The following ATP8B4 variants were observed in gnomAD, a reference collection of about 807,000 sequenced individuals.
ATP8B4 encodes the protein probable phospholipid-transporting ATPase IM.
In ATP8B4, 133 loss-of-function variants were observed where a neutral mutation model predicts 145.6. The ratio of observed to expected loss-of-function variants is 0.91; its 90% CI spans 0.79 to 1.05. The LOEUF (loss-of-function observed/expected upper bound fraction) is 1.05. Among genes scored for constraint, ATP8B4 ranks in the 50% least tolerant of loss-of-function variants. The pLI, the probability that ATP8B4 is intolerant of heterozygous loss-of-function variation, is 0.00. For synonymous variants in ATP8B4, 507 were observed against 492.9 expected, an observed-to-expected ratio of 1.03 and a Z score of -0.38; for missense variants, 1,458 against 1,425.2, an observed-to-expected ratio of 1.02 and a Z score of -0.37.
At chr15:50,119,752 C>CTT (rs572570694), upstream of ATP8B4, among the ~76,000 whole-genome samples, 896 of 91,600 alleles carry the variant, frequency 9.8e-3, 75 homozygotes, top group Non-Finnish European at 0.014. Context: ...GTTTTTGTCA[C>CTT]TTTTTTTTTT....
chr15:50,044,429 G>A (rs1326333988), intron 5 of ATP8B4, among the ~76,000 whole-genome samples, 165 bp downstream of exon 5: 1 of 152,122 alleles, frequency 6.6e-6, no homozygotes, highest in Non-Finnish European at 1.5e-5. Flanking sequence ...AACAGGCTCT[G>A]GTTTTACAGC....
chr15:50,147,541 A>G (rs561377679), intron 1 of ATP8B4, among the ~76,000 whole-genome samples: 3 of 152,280 alleles, frequency 2.0e-5, no homozygotes, highest in South Asian at 4.1e-4. Context: ...TAAACACCAT[A>G]GTCAAAAGAC....
chr15:49,982,033 T>C (rs559152356), intron 10 of ATP8B4, among the ~76,000 whole-genome samples: 1 of 152,256 alleles, frequency 6.6e-6, no homozygotes, highest in African/African-American at 2.4e-5. Flanking sequence ...ACAGAGAAAA[T>C]GCTAAATAGA....
chr15:50,172,841 T>C lies in ATP8B4; in HGVS notation c.-43+9420A>G, dbSNP rs530819059. The stretch of plus-strand genomic sequence containing the variant: ...GTGTCTCTGCCCCGCCACCACCCCG[T>C]CTGGGAGGTGAGGAGCGTCTCTGAC... On this transcript the variant is annotated intron_variant, in intron 1 of 3. Coordinates refer to the ATP8B4 transcript ENST00000558829. Among the ~76,000 whole-genome samples the C allele has an allele frequency of 1.1e-4, 17 of 150,700 alleles. No individual in the cohort carries two copies. The East Asian group carries it at 3.4e-3, about 30-fold the overall frequency.
At chr15:49,994,617 T>A (rs961214698) in intron 9 of ATP8B4, among the ~76,000 whole-genome samples, 3 of 151,852 alleles carry the variant, frequency 2.0e-5, no homozygotes, top group African/African-American at 7.3e-5. Flanking sequence ...CAGTGCTAAG[T>A]GCTATAAGAA....
At chr15:50,120,793 C>T (rs7176805), upstream of ATP8B4, among the ~76,000 whole-genome samples, 30,447 of 152,090 alleles carry the variant, frequency 0.2, 3,549 homozygotes, top group Middle Eastern at 0.31. Context: ...ACTATGTAGC[C>T]ATTCAAAAGA....
At chr15:49,932,258 G>A (rs933090625) in intron 15 of ATP8B4, among the ~76,000 whole-genome samples, 1 of 151,756 alleles carries the variant, frequency 6.6e-6, no homozygotes, top group Non-Finnish European at 1.5e-5. Context: ...TTGAATATAT[G>A]TATATATTTA....
chr15:49,900,679 A>C (rs1487350766), intron 21 of ATP8B4, among the ~76,000 whole-genome samples: 1 of 152,208 alleles, frequency 6.6e-6, no homozygotes, highest in Non-Finnish European at 1.5e-5. Context: ...TAGTAATTAC[A>C]TGAAGGTCAG....
At chr15:50,141,747 C>A (rs561494106) in intron 1 of ATP8B4, among the ~76,000 whole-genome samples, 16 of 151,664 alleles carry the variant, frequency 1.1e-4, no homozygotes, top group African/African-American at 3.9e-4. Flanking sequence ...AAATTATACC[C>A]CAATAAAGTT....
intron 7 of ATP8B4, among the ~76,000 whole-genome samples, chr15:50,004,192 G>A (rs188741338): frequency 3.3e-5 from 5 of 152,160 alleles, no homozygotes; most frequent in South Asian, 2.1e-4. Flanking sequence ...TGTTAACCTC[G>A]TCCTTCAAGG....
intron 6 of ATP8B4, among the ~76,000 whole-genome samples, chr15:50,011,955 C>G (rs16963226): frequency 0.16 from 24,136 of 152,034 alleles, 2,045 homozygotes; most frequent in East Asian, 0.29. Flanking sequence ...AATATTTATT[C>G]GACTGTGAAA....
intron 1 of ATP8B4, among the ~76,000 whole-genome samples, chr15:50,140,151 G>A (rs887637919): frequency 3.9e-5 from 6 of 152,050 alleles, no homozygotes; most frequent in Non-Finnish European, 8.8e-5. Flanking sequence ...ACAAATGCTT[G>A]TACCCCAAAA....
intron 1 of ATP8B4, among the ~76,000 whole-genome samples, chr15:50,117,269 C>T (rs948266976): frequency 5.3e-5 from 8 of 152,090 alleles, no homozygotes; most frequent in South Asian, 2.1e-4. Flanking sequence ...AGGGTAGTCT[C>T]GAACTCCTGA....
intron 2 of ATP8B4, among the ~76,000 whole-genome samples, chr15:50,093,004 C>T (rs2055709958): frequency 6.6e-6 from 1 of 151,836 alleles, no homozygotes; most frequent in Non-Finnish European, 1.5e-5. Context: ...AGATTGTCAC[C>T]TTACTTTTCA....
At chr15:50,011,051 G>A in intron 6 of ATP8B4, 134 bp from the exon 7 acceptor site, 1 of 562,912 alleles carries the variant, frequency 1.8e-6, no homozygotes, top group South Asian at 2.8e-5. Flanking sequence ...ATTCAAAATG[G>A]TCTTACATTA....
intron 1 of ATP8B4, among the ~76,000 whole-genome samples, chr15:50,135,256 C>T (rs765427591): frequency 3.9e-5 from 6 of 152,154 alleles, no homozygotes; most frequent in Non-Finnish European, 8.8e-5. Flanking sequence ...TTTAGTGTGA[C>T]AAATTCAGCT....
intron 15 of ATP8B4, 101 bp downstream of exon 15, chr15:49,933,916 C>A: frequency 7.7e-7 from 1 of 1,291,916 alleles, no homozygotes; most frequent in Non-Finnish European, 1.0e-6. Context: ...ACAAGGCTCA[C>A]TGCTCAAATG....
chr15:50,139,395 A>C (rs1207465322), intron 1 of ATP8B4, among the ~76,000 whole-genome samples: 5 of 151,964 alleles, frequency 3.3e-5, no homozygotes, highest in African/African-American at 1.2e-4. Flanking sequence ...AGGAGAATAC[A>C]TGGACACAGG....
intron 1 of ATP8B4, among the ~76,000 whole-genome samples, chr15:50,171,755 A>T (rs1269146691): frequency 6.6e-6 from 1 of 152,194 alleles, no homozygotes; most frequent in Non-Finnish European, 1.5e-5. Flanking sequence ...CAAAAATACA[A>T]AGAATACATG....
Sources: allele counts gnomAD v4.1 joint callset (sites outside exome capture counted in the v4.1 genomes callset), GRCh38; gene constraint gnomAD v4.1.1; transcripts MANE v1.5; gene names NCBI Gene and HGNC (gene_info 2026-07-23, HGNC 2026-07-21).